The following ANGEL2 variants were observed in gnomAD, a reference collection of about 807,000 sequenced individuals.
The protein encoded by ANGEL2 is RNA 2',3'-cyclic phosphatase ANGEL2.
A neutral mutation model predicts 66.0 loss-of-function variants in ANGEL2; 41 were observed. The observed-to-expected ratio is 0.62, with a 90% confidence interval of 0.48 to 0.81. The LOEUF (loss-of-function observed/expected upper bound fraction) is 0.81. Among genes scored for constraint, ANGEL2 ranks in the 30% least tolerant of loss-of-function variants. The pLI is 0.00. For synonymous variants in ANGEL2, 208 were observed against 226.5 expected (o/e 0.92, Z 0.73); for missense variants, 561 against 641.6 (o/e 0.87, Z 1.36).
At chr1:213,000,985 T>C in intron 5 of ANGEL2, 73 bp from the exon 6 acceptor site, 1 of 1,438,216 alleles carries the variant, frequency 7.0e-7, no homozygotes, top group South Asian at 1.3e-5. Flanking sequence ...ATTTATGTCT[T>C]AAATAAAAGG....
At chr1:212,995,336 T>C in intron 8 of ANGEL2, 144 bp from the exon 9 acceptor site, 1 of 549,896 alleles carries the variant, frequency 1.8e-6, no homozygotes. Flanking sequence ...TTAGAATATC[T>C]AAGCTTTATT....
rs1049768178 is a variant in ANGEL2 at position 212,992,431 on chromosome 1, T to G, written c.*2610A>C. ...TTTACCTTTCCATTTAAAACTTGGA[T>G]AGTATAACACTTGAGACTGAGAGAT... On this transcript the variant is annotated 3_prime_UTR_variant, in exon 9 of 9. Transcript: ENST00000366962. The G allele has an allele frequency of 4.6e-5, 7 of 152,254 alleles. No homozygotes were observed. Among genetic ancestry groups the G allele is most frequent in the African/African-American group, 1.7e-4 (7 of 41,466 alleles). The allele number at this position is 152,254 out of a possible 1,614,324, so 9.4% of individuals were successfully genotyped here. A position where few individuals can be genotyped will look rare whatever the true frequency, so the allele number is the denominator to read the frequency against.
chr1:213,012,505 A>G (rs1433314865), intron 2 of ANGEL2, among the ~76,000 whole-genome samples: 2 of 152,226 alleles, frequency 1.3e-5, no homozygotes, highest in African/African-American at 4.8e-5. Context: ...ACTGTTTCTC[A>G]AAGTGGAATA....
chr1:213,010,571 CAA>C (rs11339532), intron 2 of ANGEL2, among the ~76,000 whole-genome samples: 119 of 110,874 alleles, frequency 1.1e-3, no homozygotes, highest in East Asian at 1.2e-3. Context: ...GCCTTCGTCT[CAA>C]AAAAAAAAAA....
chr1:213,012,146 A>T lies in ANGEL2; in HGVS notation c.385+947T>A, dbSNP rs144783471. On this transcript the variant is annotated intron_variant, in intron 2 of 8. Transcript: ENST00000366962. ...ATTGGGACCCAGCTGAAGCCTGTAG[A>T]CTACTTTCTGATAACAAAACCAGAG... 6.5e-3 allele frequency among the ~76,000 whole-genome samples: 983 copies of T among 152,312 alleles called. 9 individuals carry two copies. The highest frequency in any genetic ancestry group is 0.022 in the African/African-American group (935 of 41,576).
At chr1:213,002,206 T>C (rs2076196388) in intron 5 of ANGEL2, 1 of 152,268 alleles carries the variant, frequency 6.6e-6, no homozygotes, top group Admixed American at 6.5e-5. Flanking sequence ...GGCTGCAGAA[T>C]GGATGCCGTG....
At chr1:213,012,693 TA>T (rs1386326829) in intron 2 of ANGEL2, among the ~76,000 whole-genome samples, 2 of 152,218 alleles carry the variant, frequency 1.3e-5, no homozygotes, top group African/African-American at 4.8e-5. Flanking sequence ...AATGTTAGCT[TA>T]AAAATGAAAA....
chr1:212,996,638 A>T (rs868012684), intron 8 of ANGEL2, among the ~76,000 whole-genome samples: 1,921 of 52,018 alleles, frequency 0.037, 13 homozygotes, highest in Admixed American at 0.077. Context: ...AAAAAAAAAA[A>T]AAATATATAT....
chr1:213,001,368 T>TA (rs1210846644), intron 5 of ANGEL2: 1 of 159,284 alleles, frequency 6.3e-6, no homozygotes, highest in Non-Finnish European at 1.4e-5. Flanking sequence ...TGTAGTTTAC[T>TA]AAGTGTGCAA....
At chr1:213,002,297 A>G (rs573762624) in intron 5 of ANGEL2, 2 of 152,388 alleles carry the variant, frequency 1.3e-5, no homozygotes, top group Admixed American at 1.3e-4. Flanking sequence ...GTGAACGAAC[A>G]GTAATCTTTG....
Position 212,995,188 on chromosome 1 carries a change from A to C in ANGEL2, c.1488T>G (p.Ala496=). 1 of 1,600,894 alleles carries C rather than the reference A, an allele frequency of 6.2e-7. No individual in the cohort carries two copies. ...EKEDVAGHPG[A]EVALVGGLKL... ...TCAAGCCACCAACCAAAGCAACTTC[A>C]GCTCCTACATTAAAGAAGCACACAC... Residue 496 remains alanine (A), a synonymous_variant, in exon 9 of 9, where the codon GCT becomes GCG. Coordinates refer to ENST00000366962, the MANE Select transcript of ANGEL2 (RefSeq NM_144567.5).
At chr1:212,998,437 CTCTTA>C (rs1365370585) in intron 7 of ANGEL2, among the ~76,000 whole-genome samples, 2 of 151,636 alleles carry the variant, frequency 1.3e-5, no homozygotes, top group Middle Eastern at 3.4e-3. Flanking sequence ...CTTCTGCAAA[CTCTTA>C]TCTATCAATT....
In ANGEL2 at chr1:212,994,255, C is replaced by G. The variant is rs184225898; in HGVS notation, c.*786G>C. 2.6e-4 allele frequency: 40 copies of G among 152,156 alleles called. No individual in the cohort carries two copies. The highest frequency in any genetic ancestry group is 8.9e-4 in the African/African-American group (37 of 41,480). The allele number at this position is 152,156 out of a possible 1,614,324, so 9.4% of individuals were successfully genotyped here. ...AAGATTGCGCCATTGCACCCCCAGC[C>G]TGGGCAACAAGAGTGAAACTCCATC... On this transcript the variant is annotated 3_prime_UTR_variant, in exon 9 of 9. Coordinates refer to ENST00000366962, the MANE Select transcript of ANGEL2 (RefSeq NM_144567.5).
rs373505616 is a variant in ANGEL2, at chr1:213,005,296, G to C, written c.871C>G (p.Leu291Val). ...GCATATGGAATTTTGGGCTGTAAGA[G>C]TAAAACTAATCCAACATTGTCTCTG... Reference protein sequence around the residue: ...LDRDNVGLVLLLQPKIPYAAC... With the variant: ...LDRDNVGLVLVLQPKIPYAAC... The change falls in exon 5 of 9, where the codon CTC becomes GTC. Residue 291 changes from leucine to valine, a missense_variant. Leu to Val is a conservative substitution (Grantham distance 32). Transcript: ENST00000366962. The C allele has an allele frequency of 1.5e-5, 24 of 1,614,102 alleles. No individual in the cohort carries two copies. The highest frequency in any genetic ancestry group is 1.9e-5 in the Non-Finnish European group (23 of 1,180,054).
intron 2 of ANGEL2, among the ~76,000 whole-genome samples, chr1:213,009,761 T>A (rs145650563): frequency 5.1e-4 from 78 of 152,330 alleles, no homozygotes; most frequent in African/African-American, 1.8e-3. Context: ...CATTTTAAAG[T>A]ATGATTAGGC....
At position 212,997,206 on chromosome 1, in the gene ANGEL2, C is replaced by T. The variant is rs951227517; in HGVS notation, c.1432G>A (p.Val478Met). 1.2e-6 allele frequency: 2 copies of T among 1,613,944 alleles called. No individual in the cohort carries two copies. The highest frequency in any genetic ancestry group is 2.2e-5 in the East Asian group (1 of 44,866). ...TTCHSRSAIT[V>M]DYIFYSAEKE... ...TCTGCAGAGTAGAAAATATAATCCA[C>T]AGTTATGGCACTTCGGGAATGACAG... Residue 478 changes from valine (V) to methionine (M), a missense_variant, in exon 8 of 9, where the codon GTG (valine) becomes ATG (methionine). Val to Met is a conservative substitution (Grantham distance 21, BLOSUM62 1). Transcript: ENST00000366962.
intron 5 of ANGEL2, among the ~76,000 whole-genome samples, chr1:213,003,187 G>A (rs936996832): frequency 2.0e-5 from 3 of 152,232 alleles, no homozygotes; most frequent in Admixed American, 6.5e-5. Context: ...TTTGACTCAA[G>A]GGAATCCTGT....
At chr1:213,012,998 TA>T in intron 2 of ANGEL2, 94 bp downstream of exon 2, 1 of 1,324,090 alleles carries the variant, frequency 7.6e-7, no homozygotes. Flanking sequence ...CAAACACCTC[TA>T]AAACCTTAGG....
At chr1:213,015,535 G>GT in intron 1 of ANGEL2, 78 bp downstream of exon 1, 1 of 1,052,346 alleles carries the variant, frequency 9.5e-7, no homozygotes, top group Non-Finnish European at 1.3e-6. Context: ...CCCCGCCCCG[G>GT]GTTAGTCCCG....
Sources: allele counts gnomAD v4.1 joint callset (sites outside exome capture counted in the v4.1 genomes callset), GRCh38; gene constraint gnomAD v4.1.1; transcripts MANE v1.5; gene names NCBI Gene and HGNC (gene_info 2026-07-23, HGNC 2026-07-21).